Variants in FGGY observed in about 807,000 individuals in gnomAD.
FGGY encodes the protein FGGY carbohydrate kinase domain containing.
In FGGY, 72 loss-of-function variants were observed where a neutral mutation model predicts 71.3. The ratio of observed to expected loss-of-function variants is 1.01; its 90% CI spans 0.84 to 1.23. The LOEUF is 1.23. Ranked by LOEUF, FGGY falls within the 50% of genes most tolerant of loss-of-function variation. The probability of loss-of-function intolerance (pLI) is 0.00; values close to 1 mark genes in which losing one functional copy is unlikely to be tolerated. For synonymous variants in FGGY, 251 were observed against 250.3 expected (o/e 1.00, Z -0.02); for missense variants, 668 against 682.3 (o/e 0.98, Z 0.23).
chr1:59,497,011 G>T (rs683071), intron 6 of FGGY, among the ~76,000 whole-genome samples: 76,758 of 152,010 alleles, frequency 0.5, 19,909 homozygotes, highest in African/African-American at 0.62. Flanking sequence ...AATGAGGGGG[G>T]CCTAACTACC....
At chr1:59,505,284 T>C (rs918231777) in intron 6 of FGGY, among the ~76,000 whole-genome samples, 7 of 152,216 alleles carry the variant, frequency 4.6e-5, no homozygotes, top group African/African-American at 1.7e-4. Flanking sequence ...ACTATCTTGT[T>C]CCTTAATGCA....
chr1:59,743,879 G>T (rs538967731), intron 14 of FGGY, among the ~76,000 whole-genome samples: 1 of 152,130 alleles, frequency 6.6e-6, no homozygotes, highest in South Asian at 2.1e-4. Context: ...TTAACCACAG[G>T]CATCAGCTGA....
At chr1:59,565,291 T>C (rs899931079) in intron 8 of FGGY, among the ~76,000 whole-genome samples, 1 of 151,152 alleles carries the variant, frequency 6.6e-6, no homozygotes, top group African/African-American at 2.4e-5. Flanking sequence ...AAGTCCTTTC[T>C]TTTTTTTTAA....
At chr1:59,554,011 C>T (rs2095647517) in intron 7 of FGGY, 113 bp from the exon 8 acceptor site, 6 of 812,064 alleles carry the variant, frequency 7.4e-6, no homozygotes, top group African/African-American at 3.4e-5. Context: ...CAGGACCCTT[C>T]CTCCATGTTG....
intron 5 of FGGY, among the ~76,000 whole-genome samples, chr1:59,413,041 T>A (rs149067059): frequency 1.3e-5 from 2 of 152,340 alleles, no homozygotes; most frequent in African/African-American, 4.8e-5. Flanking sequence ...CCAACTCCCA[T>A]GCATTTGCAC....
At chr1:59,637,440 C>A (rs1433939336) in intron 10 of FGGY, among the ~76,000 whole-genome samples, 1 of 152,086 alleles carries the variant, frequency 6.6e-6, no homozygotes, top group East Asian at 1.9e-4. Flanking sequence ...TGAGACCAGC[C>A]TGGCTAACAT....
intron 1 of FGGY, among the ~76,000 whole-genome samples, chr1:59,319,811 A>G (rs2153119632): frequency 6.6e-6 from 1 of 152,258 alleles, no homozygotes; most frequent in Non-Finnish European, 1.5e-5. Context: ...CCTGGGGTAT[A>G]TCACAGCTCA....
At chr1:59,590,415 G>T (rs1287928628) in intron 8 of FGGY, among the ~76,000 whole-genome samples, 1 of 152,152 alleles carries the variant, frequency 6.6e-6, no homozygotes, top group East Asian at 1.9e-4. Flanking sequence ...AGAAAAAGAG[G>T]TTATCCTCCC....
At chr1:59,600,982 C>CTTTTTTTTTTTTTTTTTTTTTTTTTTTTT (rs377505663) in intron 8 of FGGY, among the ~76,000 whole-genome samples, 1 of 127,044 alleles carries the variant, frequency 7.9e-6, no homozygotes, top group African/African-American at 3.0e-5. Flanking sequence ...ATTCTCTATG[C>CTTTTTTTTTTTTTTTTTTTTTTTTTTTTT]TTTTTTTTTT....
chr1:59,470,481 A>G (rs1344706283), intron 6 of FGGY, among the ~76,000 whole-genome samples: 5 of 152,116 alleles, frequency 3.3e-5, no homozygotes, highest in African/African-American at 1.2e-4. Flanking sequence ...CCCATTTAAC[A>G]CGGCCTCATG....
chr1:59,423,508 A>T (rs909615891), intron 5 of FGGY, among the ~76,000 whole-genome samples: 1 of 152,136 alleles, frequency 6.6e-6, no homozygotes, highest in Non-Finnish European at 1.5e-5. Context: ...AACAGCCTCC[A>T]TACTGGTCTT....
At chr1:59,432,545 G>A (rs1323057247) in intron 5 of FGGY, among the ~76,000 whole-genome samples, 1 of 152,196 alleles carries the variant, frequency 6.6e-6, no homozygotes, top group Non-Finnish European at 1.5e-5. Context: ...ATTGGTTAGT[G>A]TGGGAAAATC....
intron 4 of FGGY, among the ~76,000 whole-genome samples, chr1:59,373,721 GGAACA>G (rs1403717751): frequency 6.6e-6 from 1 of 151,532 alleles, no homozygotes; most frequent in Non-Finnish European, 1.5e-5. Flanking sequence ...ATAGATCAAT[GGAACA>G]GAACAGAGCC....
At chr1:59,379,843 A>T (rs2059168959) in intron 5 of FGGY, among the ~76,000 whole-genome samples, 1 of 151,786 alleles carries the variant, frequency 6.6e-6, no homozygotes, top group Non-Finnish European at 1.5e-5. Flanking sequence ...GTACATGTGC[A>T]CAACCTGCAG....
intron 13 of FGGY, among the ~76,000 whole-genome samples, chr1:59,671,973 T>A (rs1469852661): frequency 6.6e-6 from 1 of 152,168 alleles, no homozygotes; most frequent in Non-Finnish European, 1.5e-5. Flanking sequence ...AGTTCCTCCC[T>A]GCTCACAACT....
intron 9 of FGGY, among the ~76,000 whole-genome samples, chr1:59,614,163 C>A (rs188454731): frequency 5.3e-5 from 8 of 152,282 alleles, no homozygotes; most frequent in African/African-American, 1.9e-4. Context: ...CCAGCATCAT[C>A]CTGATACCAA....
At chr1:59,744,040 AGATT>A (rs2098172791) in intron 14 of FGGY, among the ~76,000 whole-genome samples, 1 of 152,324 alleles carries the variant, frequency 6.6e-6, no homozygotes, top group East Asian at 1.9e-4. Flanking sequence ...GCTGGGGTGG[AGATT>A]GATGTAATAA....
rs150110255 is a variant in FGGY, at chr1:59,372,075, C to T, written c.466-6674C>T. 5.2e-3 allele frequency among the ~76,000 whole-genome samples: 789 copies of T among 151,752 alleles called. 5 individuals are homozygous for T. Among genetic ancestry groups the T allele is most frequent in the African/African-American group, 0.018 (754 of 41,426 alleles). The stretch of plus-strand genomic sequence containing the variant: ...ACTAAGATCAGAGCAGAACTGAAGG[C>T]GATAAATCGAGACACAAAAAACCCT... On this transcript the variant is annotated intron_variant, in intron 4 of 15. Transcript: ENST00000303721.
chr1:59,752,852 C>G (rs1553449021), intron 14 of FGGY, among the ~76,000 whole-genome samples: 1 of 152,210 alleles, frequency 6.6e-6, no homozygotes, highest in South Asian at 2.1e-4. Flanking sequence ...GGCCGTGGTA[C>G]AGGGCCCCTA....
Sources: gnomAD v4.1 joint callset for allele counts (sites outside exome capture counted in the v4.1 genomes callset) on GRCh38, gnomAD v4.1.1 for gene constraint, MANE v1.5 for transcripts, NCBI Gene and HGNC (gene_info 2026-07-23, HGNC 2026-07-21) for gene names.